The following TENM3 variants were observed in gnomAD, a reference collection of about 807,000 sequenced individuals.
TENM3 encodes the protein teneurin transmembrane protein 3.
TENM3 carries 63 observed loss-of-function variants against 255.1 expected under a neutral mutation model. The ratio of observed to expected loss-of-function variants is 0.25; its 90% CI spans 0.20 to 0.30. TENM3 has a LOEUF of 0.30. Ranked by LOEUF, TENM3 falls within the 10% of genes least tolerant of loss-of-function variation. The pLI is 1.00. For synonymous variants in TENM3, 1,306 were observed against 1,322.3 expected (o/e 0.99, Z 0.27); for missense variants, 2,929 against 3,461.1 (o/e 0.85, Z 3.86).
intron 1 of TENM3, among the ~76,000 whole-genome samples, chr4:182,183,538 A>C (rs1353319445): frequency 2.6e-5 from 4 of 152,190 alleles, no homozygotes; most frequent in African/African-American, 9.6e-5. Context: ...TCCAGGAATG[A>C]TAAGGAATGA....
chr4:181,674,585 G>C, the TENM3 span, among the ~76,000 whole-genome samples: 819 of 152,252 alleles, frequency 5.4e-3, 6 homozygotes, highest in African/African-American at 0.018. Context: ...ACTTGAATAT[G>C]CAACTTTTTT....
At chr4:182,280,722 G>A (rs948150176) in intron 1 of TENM3, among the ~76,000 whole-genome samples, 10 of 152,184 alleles carry the variant, frequency 6.6e-5, no homozygotes, top group South Asian at 2.1e-4. Context: ...CAAACCTGGC[G>A]GGTCAATTGG....
chr4:181,543,714 C>T, the TENM3 span, among the ~76,000 whole-genome samples: 1 of 152,172 alleles, frequency 6.6e-6, no homozygotes, highest in African/African-American at 2.4e-5. Context: ...TTCAACCTGG[C>T]TCCCTGGAGA....
chr4:182,501,521 G>A (rs1736327849), intron 3 of TENM3, among the ~76,000 whole-genome samples: 1 of 151,866 alleles, frequency 6.6e-6, no homozygotes. Flanking sequence ...AAAGTCATTT[G>A]GATACATAGT....
intron 3 of TENM3, among the ~76,000 whole-genome samples, chr4:182,549,598 C>T (rs1417969903): frequency 1.1e-4 from 16 of 152,178 alleles, no homozygotes; most frequent in Admixed American, 1.0e-3. Context: ...TCGAGTCACG[C>T]TTCCAGGGCC....
chr4:181,645,447 G>C, the TENM3 span, among the ~76,000 whole-genome samples: 1 of 152,176 alleles, frequency 6.6e-6, no homozygotes, highest in African/African-American at 2.4e-5. Context: ...CACTGTCACA[G>C]GCATTTGCCA....
chr4:181,570,035 C>CTT, the TENM3 span, among the ~76,000 whole-genome samples: 835 of 113,804 alleles, frequency 7.3e-3, 13 homozygotes, highest in African/African-American at 0.016. Context: ...ACAAATGTTT[C>CTT]TTTTTTTTTT....
the TENM3 span, among the ~76,000 whole-genome samples, chr4:181,785,129 G>C: frequency 6.6e-6 from 1 of 152,140 alleles, no homozygotes; most frequent in African/African-American, 2.4e-5. Flanking sequence ...GCTGAATAGT[G>C]AATGAAGGCA....
chr4:182,272,220 T>C (rs189053587), intron 1 of TENM3, among the ~76,000 whole-genome samples: 10 of 152,314 alleles, frequency 6.6e-5, no homozygotes, highest in Non-Finnish European at 1.2e-4. Flanking sequence ...CTTACTTAAC[T>C]ATAGGTCATT....
intron 3 of TENM3, among the ~76,000 whole-genome samples, chr4:182,522,961 T>C (rs1449075639): frequency 6.6e-6 from 1 of 152,132 alleles, no homozygotes; most frequent in African/African-American, 2.4e-5. Flanking sequence ...CCAGAATTTT[T>C]TGTTTTTTTG....
chr4:182,131,591 G>A, the TENM3 span, among the ~76,000 whole-genome samples: 1 of 152,212 alleles, frequency 6.6e-6, no homozygotes, highest in East Asian at 1.9e-4. Context: ...GCTGCCTGTA[G>A]GAAGAGTTAA....
chr4:181,678,833 G>GT, the TENM3 span, among the ~76,000 whole-genome samples: 3 of 67,792 alleles, frequency 4.4e-5, no homozygotes, highest in Non-Finnish European at 6.4e-5. Flanking sequence ...TCCCAAGAAT[G>GT]TTTTAAACAA....
intron 3 of TENM3, among the ~76,000 whole-genome samples, chr4:182,465,504 G>T (rs1398529068): frequency 6.6e-6 from 1 of 152,110 alleles, no homozygotes; most frequent in African/African-American, 2.4e-5. Context: ...AGAACTGTGA[G>T]ATAAAAATTT....
the TENM3 span, among the ~76,000 whole-genome samples, chr4:181,730,707 T>C: frequency 6.6e-6 from 1 of 152,196 alleles, no homozygotes; most frequent in Admixed American, 6.5e-5. Flanking sequence ...GCTTTTATAA[T>C]TTAATATGAT....
chr4:181,752,694 C>T, the TENM3 span, among the ~76,000 whole-genome samples: 2 of 151,698 alleles, frequency 1.3e-5, no homozygotes, highest in African/African-American at 4.8e-5. Flanking sequence ...TTTCTCAAAC[C>T]CCTGCCGCAG....
chr4:181,984,835 C>G, the TENM3 span, among the ~76,000 whole-genome samples: 1 of 96,360 alleles, frequency 1.0e-5, no homozygotes, highest in South Asian at 3.5e-4. Flanking sequence ...TGTGTGTGTG[C>G]CTTTGAAATA....
At chr4:181,922,579 T>A in the TENM3 span, among the ~76,000 whole-genome samples, 1 of 152,208 alleles carries the variant, frequency 6.6e-6, no homozygotes, top group South Asian at 2.1e-4. Flanking sequence ...TCGGTGGTGA[T>A]ATCCCCTTTA....
At chr4:181,491,383 T>G in the TENM3 span, among the ~76,000 whole-genome samples, 2 of 152,042 alleles carry the variant, frequency 1.3e-5, no homozygotes, top group South Asian at 2.1e-4. Context: ...AATGTGTATG[T>G]TGATTATTCA....
At chr4:181,927,314 T>G in the TENM3 span, among the ~76,000 whole-genome samples, 1 of 152,194 alleles carries the variant, frequency 6.6e-6, no homozygotes, top group Non-Finnish European at 1.5e-5. Context: ...GAAATCGACC[T>G]GGGAAGCTCA....
Sources: gnomAD v4.1 joint callset for allele counts (sites outside exome capture counted in the v4.1 genomes callset) on GRCh38, gnomAD v4.1.1 for gene constraint, MANE v1.5 for transcripts, NCBI Gene and HGNC (gene_info 2026-07-23, HGNC 2026-07-21) for gene names.